Variants in RPL5 observed in about 807,000 individuals in gnomAD.
RPL5 encodes the protein ribosomal protein L5.
In RPL5, 1 loss-of-function variant was observed where a neutral mutation model predicts 38.4. The observed-to-expected ratio is 0.03, with a 90% CI of 0.01 to 0.12. The LOEUF (loss-of-function observed/expected upper bound fraction) is 0.12, where lower values mean the gene tolerates loss of function less well. Ranked by LOEUF, RPL5 falls within the 10% of genes least tolerant of loss-of-function variation. The probability of loss-of-function intolerance (pLI) is 1.00; values close to 1 mark genes in which losing one functional copy is unlikely to be tolerated. For synonymous variants in RPL5, 109 were observed against 121.2 expected, an observed-to-expected ratio of 0.90 and a Z score of 0.66; for missense variants, 243 against 374.1, an observed-to-expected ratio of 0.65 and a Z score of 2.89.
chr1:92,836,573 AGAGTCTG>A, intron 5 of RPL5, 181 bp downstream of exon 5: 1 of 628,858 alleles, frequency 1.6e-6, no homozygotes, highest in East Asian at 2.9e-5. Flanking sequence ...TTATAAATTA[AGAGTCTG>A]AGGCCCAGAG....
At chr1:92,833,009 G>A in intron 1 of RPL5, 1 of 740,958 alleles carries the variant, frequency 1.3e-6, no homozygotes, top group South Asian at 1.4e-5. Context: ...CTTCGCAAAA[G>A]TTTGGCACAA....
intron 1 of RPL5, among the ~76,000 whole-genome samples, chr1:92,832,439 G>A (rs1686947030): frequency 6.6e-6 from 1 of 152,200 alleles, no homozygotes; most frequent in African/African-American, 2.4e-5. Context: ...GGCGTGAGAG[G>A]TCGCAAGCAG....
rs376208311 is a variant in RPL5, at chr1:92,832,069, C to G, written c.-46C>G. 3.2e-5 allele frequency: 52 copies of G among 1,613,404 alleles called. No individual in the cohort carries two copies. The highest frequency in any genetic ancestry group is 3.8e-5 in the Non-Finnish European group (45 of 1,179,788). On this transcript the variant is annotated 5_prime_UTR_variant, in exon 1 of 8. Transcript: ENST00000370321. ...TTCCCACCCCCTAGCGCCGCTGGGC[C>G]TGCAGGTCTCTGTCGAGCAGCGGAC...
intron 7 of RPL5, 75 bp from the exon 8 acceptor site, chr1:92,841,691 T>C (rs564973166): frequency 2.1e-6 from 2 of 930,284 alleles, no homozygotes; most frequent in East Asian, 6.1e-5. Flanking sequence ...AAATTAAATT[T>C]TATTAAAATT....
In RPL5 at chr1:92,837,445, C is replaced by T; in HGVS notation, c.528-11C>T. On this transcript the variant is annotated splice_polypyrimidine_tract_variant and intron_variant, in intron 5 of 7. Coordinates refer to ENST00000370321, the MANE Select transcript of RPL5 (RefSeq NM_000969.5). ...TGAGTCTATACTAAAATATGAATAA[C>T]TTTATTTTAGTACCAAACGATTCCC... 1.2e-6 allele frequency: 2 copies of T among 1,609,922 alleles called. No homozygotes were observed. The highest frequency in any genetic ancestry group is 1.1e-5 in the South Asian group (1 of 90,968).
At chr1:92,838,124 A>G (rs1687198443) in intron 6 of RPL5, among the ~76,000 whole-genome samples, 1 of 152,202 alleles carries the variant, frequency 6.6e-6, no homozygotes, top group African/African-American at 2.4e-5. Flanking sequence ...TTCCTGACCC[A>G]GGTTCTTTTT....
rs745448466 is a variant in RPL5 at position 92,832,088 on chromosome 1, A to C, written c.-27A>C. The C allele has an allele frequency of 3.1e-6, 5 of 1,613,862 alleles. No homozygotes were observed. The highest frequency in any genetic ancestry group is 2.7e-5 in the African/African-American group (2 of 74,936). ...CTGGGCCTGCAGGTCTCTGTCGAGC[A>C]GCGGACGCCGGTCTCTGTTCCGCAG... On this transcript the variant is annotated 5_prime_UTR_variant, in exon 1 of 8. Coordinates refer to ENST00000370321, the MANE Select transcript of RPL5 (RefSeq NM_000969.5).
intron 3 of RPL5, 71 bp downstream of exon 3, chr1:92,833,731 G>T: frequency 8.0e-7 from 1 of 1,247,610 alleles, no homozygotes; most frequent in African/African-American, 1.5e-5. Context: ...AAAGCACATG[G>T]TGTGTGTGTT....
intron 1 of RPL5, chr1:92,832,931 C>T (rs901616013): frequency 3.8e-5 from 26 of 682,158 alleles, no homozygotes; most frequent in Non-Finnish European, 6.1e-5. Context: ...GCTAGGTTTT[C>T]GAAGTGGGAC....
chr1:92,832,157 A>AAG (rs756162066), intron 1 of RPL5, 40 bp downstream of exon 1: 25 of 1,613,342 alleles, frequency 1.5e-5, no homozygotes, highest in Admixed American at 6.7e-5. Context: ...AGATGCATGG[A>AAG]GGTTCCCTTT....
chr1:92,837,598 T>G lies in RPL5; in HGVS notation c.670T>G (p.Ser224Ala), dbSNP rs1381141260. 1 of 1,612,020 alleles carries G rather than the reference T, an allele frequency of 6.2e-7. No individual in the cohort carries two copies. Among genetic ancestry groups the G allele is most frequent in the Non-Finnish European group, 8.5e-7 (1 of 1,179,764 alleles). The change falls in exon 6 of 8, where the codon TCT (serine) becomes GCT (alanine). Residue 224 changes from serine (S) to alanine (A), a missense_variant. Physicochemically the swap from Ser to Ala is moderately conservative, Grantham distance 99. Coordinates refer to ENST00000370321, the MANE Select transcript of RPL5 (RefSeq NM_000969.5). Reference protein sequence around the residue: ...EDEDAYKKQFSQYIKNSVTPD... With the variant: ...EDEDAYKKQFAQYIKNSVTPD... ...TGAAGATGCTTACAAGAAACAGTTC[T>G]CTCAATACATAAAGAACAGCGTAAC...
In RPL5 at chr1:92,834,859, T is replaced by C. The variant is rs1371606985; in HGVS notation, c.270T>C (p.Val90=). The C allele has an allele frequency of 5.0e-6, 8 of 1,606,912 alleles. No homozygotes were observed. Among genetic ancestry groups the C allele is most frequent in the Non-Finnish European group, 6.8e-6 (8 of 1,179,968 alleles). ...AHELPKYGVK[V]GLTNYAAAYC... is the part of the protein sequence containing the mutation. ...AACTGCCAAAATATGGTGTGAAGGT[T>C]GGCCTGACAAATTATGCTGCAGCAT... Residue 90 remains valine (V), a synonymous_variant, in exon 4 of 8, where the codon GTT becomes GTC. Transcript: ENST00000370321.
chr1:92,837,900 G>T (rs1357363836), intron 6 of RPL5: 4 of 454,936 alleles, frequency 8.8e-6, no homozygotes, highest in African/African-American at 7.9e-5. Flanking sequence ...TGTTGGATAA[G>T]AGGTGCTAGA....
chr1:92,833,111 A>C, intron 1 of RPL5: 1 of 690,832 alleles, frequency 1.4e-6, no homozygotes, highest in Non-Finnish European at 2.6e-6. Flanking sequence ...TATACCTGTT[A>C]AATGTAATAA....
intron 5 of RPL5, chr1:92,836,912 G>A: frequency 4.5e-6 from 1 of 223,436 alleles, no homozygotes; most frequent in East Asian, 1.2e-4. Flanking sequence ...TGTTGAGTCT[G>A]TGCATCTTGA....
Position 92,836,271 on chromosome 1 carries a change from G to A in RPL5, c.406G>A (p.Asp136Asn). Residue 136 changes from aspartate (D) to asparagine (N), a missense_variant, in exon 5 of 8, where the codon GAT (aspartate) becomes AAT (asparagine). Asp to Asn is a conservative substitution (Grantham distance 23). Coordinates refer to ENST00000370321, the MANE Select transcript of RPL5 (RefSeq NM_000969.5). ...TGDEYNVESI[D>N]GQPGAFTCYL... ...TGATGAATACAATGTGGAAAGCATT[G>A]ATGGTCAGCCAGGTGCCTTCACCTG... The A allele has an allele frequency of 6.2e-7, 1 of 1,614,118 alleles. No individual in the cohort carries two copies. Among genetic ancestry groups the A allele is most frequent in the Non-Finnish European group, 8.5e-7 (1 of 1,180,018 alleles).
In RPL5 at chr1:92,832,139, G is replaced by C. The variant is rs1571021095; in HGVS notation, c.3+22G>C. 1.9e-6 allele frequency: 3 copies of C among 1,613,926 alleles called. No individual in the cohort carries two copies. The East Asian group carries it at 6.7e-5, about 36-fold the overall frequency. On this transcript the variant is annotated intron_variant, in intron 1 of 7. Coordinates refer to ENST00000370321, the MANE Select transcript of RPL5 (RefSeq NM_000969.5). ...GATGGTGAGTGGATGCCTCGGTCTC[G>C]GGGCTTTAGATGCATGGAGGTTCCC... is the stretch of plus-strand genomic sequence containing the variant.
chr1:92,839,222 G>C (rs1179288684), intron 6 of RPL5, among the ~76,000 whole-genome samples: 1 of 152,028 alleles, frequency 6.6e-6, no homozygotes. Context: ...AGCTGGGCAT[G>C]GTGGCTCACT....
chr1:92,837,537 T>C lies in RPL5; in HGVS notation c.609T>C (p.Asn203=), dbSNP rs1687176820. The change falls in exon 6 of 8, where the codon AAT becomes AAC. Residue 203 remains asparagine (N), a synonymous_variant. Coordinates refer to ENST00000370321, the MANE Select transcript of RPL5 (RefSeq NM_000969.5). ...ATCGGAAGCACATCATGGGCCAGAA[T>C]GTTGCAGATTACATGCGCTACTTAA... ...EVHRKHIMGQ[N]VADYMRYLME... is the part of the protein sequence containing the mutation. The C allele has an allele frequency of 6.2e-7, 1 of 1,612,096 alleles. No homozygotes were observed. Among genetic ancestry groups the C allele is most frequent in the African/African-American group, 1.3e-5 (1 of 74,874 alleles).
Sources: allele counts gnomAD v4.1 joint callset (sites outside exome capture counted in the v4.1 genomes callset), GRCh38; gene constraint gnomAD v4.1.1; transcripts MANE v1.5; gene names NCBI Gene and HGNC (gene_info 2026-07-23, HGNC 2026-07-21).